TRAF3IP1: variants seen among roughly 807,000 people sequenced by gnomAD.
TRAF3IP1 encodes TRAF3-interacting protein 1.
A neutral mutation model predicts 89.9 loss-of-function variants in TRAF3IP1; 53 were observed. That is an observed-to-expected ratio of 0.59 (90% CI 0.47 to 0.74). The LOEUF is 0.74. TRAF3IP1 is among the 30% of genes least tolerant of loss of function. The pLI is 0.00. For missense variants in TRAF3IP1, 806 were observed against 866.1 expected, an observed-to-expected ratio of 0.93 and a Z score of 0.87; for synonymous variants, 311 against 322.1, an observed-to-expected ratio of 0.97 and a Z score of 0.37.
chr2:238,388,066 A>G (rs973410708), intron 15 of TRAF3IP1, among the ~76,000 whole-genome samples: 1 of 152,156 alleles, frequency 6.6e-6, no homozygotes, highest in Non-Finnish European at 1.5e-5. Context: ...CCTGGGTGAC[A>G]GAACAAGACT....
At position 238,338,364 on chromosome 2, in the gene TRAF3IP1, A is replaced by T. The variant is rs369712558; in HGVS notation, c.1066A>T (p.Arg356Trp). 6.5e-7 allele frequency: 1 copy of T among 1,537,978 alleles called. No homozygotes were observed. Among genetic ancestry groups the T allele is most frequent in the Non-Finnish European group, 8.8e-7 (1 of 1,130,116 alleles). Residue 356 changes from arginine to tryptophan, a missense_variant and splice_region_variant, in exon 8 of 17, where the codon AGG (arginine) becomes TGG (tryptophan). By Grantham distance (101) the Arg-to-Trp change is moderately radical (BLOSUM62 -3). This residue lies in a region of TRAF3IP1 where 732 missense variants were observed against 780.5 expected (regional missense o/e 0.94). Transcript: ENST00000373327. ...KRRSKNSVEG[R>W]KEDNISAKSL... ...TGTTGTTAACTATTTTATGTCAGGAAGGAAGGAGGATAATATTTCAGCTAA... is the reference window on the plus strand; with the variant it reads ...TGTTGTTAACTATTTTATGTCAGGATGGAAGGAGGATAATATTTCAGCTAA...
chr2:238,362,909 C>T (rs1185690598), intron 15 of TRAF3IP1, among the ~76,000 whole-genome samples: 3 of 152,194 alleles, frequency 2.0e-5, no homozygotes, highest in South Asian at 2.1e-4. Context: ...TTTGCCAAAG[C>T]GGAGATCAGA....
Position 238,328,920 on chromosome 2 carries a change from T to C in TRAF3IP1, c.499-6T>C. ...ATTCATAAATGATTTTATTTTTATT[T>C]CGTAGGATAGAGGAGACGCTGAAAT... On this transcript the variant is annotated splice_region_variant and splice_polypyrimidine_tract_variant and intron_variant, in intron 4 of 16. Coordinates refer to ENST00000373327, the MANE Select transcript of TRAF3IP1 (RefSeq NM_015650.4). 1 of 1,566,152 alleles carries C rather than the reference T, an allele frequency of 6.4e-7. No homozygotes were observed. Among genetic ancestry groups the C allele is most frequent in the Non-Finnish European group, 8.6e-7 (1 of 1,157,202 alleles).
At position 238,376,712 on chromosome 2, in the gene TRAF3IP1, ATATT is replaced by A. The variant is rs543406450; in HGVS notation, c.1689+20639_1689+20642del. On this transcript the variant is annotated intron_variant, in intron 15 of 16. Transcript: ENST00000373327. ...GTTTATCTGCTATTATAAATACTGT[ATATT>A]TATTTAAAATTGTTTTCTAGTTGTT... Among the ~76,000 whole-genome samples, 365 of 152,324 alleles carry A rather than the reference ATATT, an allele frequency of 2.4e-3. 2 individuals are homozygous for A. The highest frequency in any genetic ancestry group is 8.4e-3 in the African/African-American group (348 of 41,572).
chr2:238,332,961 T>C, intron 6 of TRAF3IP1, 66 bp downstream of exon 6: 1 of 1,251,078 alleles, frequency 8.0e-7, no homozygotes, highest in Non-Finnish European at 1.2e-6. Context: ...GTGAATGCTG[T>C]GCGCTCCCCG....
At chr2:238,346,075 A>C (rs916263596) in intron 9 of TRAF3IP1, among the ~76,000 whole-genome samples, 1 of 151,988 alleles carries the variant, frequency 6.6e-6, no homozygotes, top group African/African-American at 2.4e-5. Flanking sequence ...TGGTGTTTTG[A>C]AGAAAGAGCC....
Position 238,320,715 on chromosome 2 carries a change from G to A in TRAF3IP1, c.53G>A (p.Arg18Gln), listed in dbSNP as rs1308601851. The A allele has an allele frequency of 1.4e-6, 2 of 1,447,584 alleles. No homozygotes were observed. The highest frequency in any genetic ancestry group is 9.2e-7 in the Non-Finnish European group (1 of 1,088,984). The allele number at this position is 1,447,584 out of a possible 1,614,324, so 89.7% of individuals were successfully genotyped here. A position where few individuals can be genotyped will look rare whatever the true frequency, so the allele number is the denominator to read the frequency against. Reference protein sequence around the residue: ...RTQEALGKVIRRPPLTEKLLS... With the variant: ...RTQEALGKVIQRPPLTEKLLS... ...CAGGAGGCGCTGGGGAAAGTGATTC[G>A]GAGGCCGCCGCTGACCGAGAAGCTG... Residue 18 changes from arginine (R) to glutamine (Q), a missense_variant, in exon 1 of 17, where the codon CGG (arginine) becomes CAG (glutamine). Physicochemically the swap from Arg to Gln is conservative, Grantham distance 43 (BLOSUM62 1). Coordinates refer to ENST00000373327, the MANE Select transcript of TRAF3IP1 (RefSeq NM_015650.4).
intron 15 of TRAF3IP1, among the ~76,000 whole-genome samples, chr2:238,383,269 T>G (rs954326234): frequency 5.3e-5 from 8 of 152,172 alleles, no homozygotes; most frequent in Non-Finnish European, 1.0e-4. Context: ...TGAATCAAAC[T>G]TGCGGGTCTC....
At chr2:238,341,304 A>G (rs1698641574) in intron 8 of TRAF3IP1, among the ~76,000 whole-genome samples, 1 of 151,864 alleles carries the variant, frequency 6.6e-6, no homozygotes, top group South Asian at 2.1e-4. Flanking sequence ...TTACAGGCAT[A>G]AGCCAGCAGA....
chr2:238,332,978 C>A, intron 6 of TRAF3IP1, 83 bp downstream of exon 6: 1 of 1,015,518 alleles, frequency 9.8e-7, no homozygotes, highest in South Asian at 1.4e-5. Context: ...CCCGGGTCCA[C>A]TGAGGCATGG....
At chr2:238,388,803 G>C (rs1700882360) in intron 15 of TRAF3IP1, among the ~76,000 whole-genome samples, 1 of 151,672 alleles carries the variant, frequency 6.6e-6, no homozygotes, top group Non-Finnish European at 1.5e-5. Context: ...CACTATGCCT[G>C]GATAATTTTT....
At chr2:238,362,176 T>C (rs1186299536) in intron 15 of TRAF3IP1, among the ~76,000 whole-genome samples, 2 of 152,124 alleles carry the variant, frequency 1.3e-5, no homozygotes, top group Non-Finnish European at 2.9e-5. Context: ...CTCTCTGTCC[T>C]TTGCTAGTTC....
Position 238,338,467 on chromosome 2 carries a change from A to C in TRAF3IP1, c.1159+10A>C. The C allele has an allele frequency of 6.8e-7, 1 of 1,466,574 alleles. No homozygotes were observed. Among genetic ancestry groups the C allele is most frequent in the African/African-American group, 1.4e-5 (1 of 70,878 alleles). 90.8% of individuals were successfully genotyped at this position (1,466,574 alleles called of 1,614,324 possible). A position where few individuals can be genotyped will look rare whatever the true frequency, so the allele number is the denominator to read the frequency against. ...ACAACATCAGAAATAGGTAAGAAAAATATATTCTTTAGTTTAAATTCCTCA... is the reference window on the plus strand; with the variant it reads ...ACAACATCAGAAATAGGTAAGAAAACTATATTCTTTAGTTTAAATTCCTCA... On this transcript the variant is annotated intron_variant, in intron 8 of 16. Transcript: ENST00000373327.
intron 15 of TRAF3IP1, among the ~76,000 whole-genome samples, chr2:238,364,982 T>C (rs1259838452): frequency 2.6e-5 from 4 of 152,230 alleles, no homozygotes; most frequent in African/African-American, 7.2e-5. Context: ...GAGGCATTTA[T>C]TTGGGAATGT....
At chr2:238,361,485 C>T (rs966156106) in intron 15 of TRAF3IP1, among the ~76,000 whole-genome samples, 1 of 151,968 alleles carries the variant, frequency 6.6e-6, no homozygotes, top group South Asian at 2.1e-4. Context: ...AAGGTAGTCT[C>T]TAGTTTAGTC....
intron 1 of TRAF3IP1, 138 bp downstream of exon 1, chr2:238,320,923 A>T: frequency 1.5e-6 from 1 of 666,650 alleles, no homozygotes; most frequent in Non-Finnish European, 2.0e-6. Context: ...GCTGGGCCGG[A>T]GTCGGGGCCC....
In TRAF3IP1 at chr2:238,372,526, T is replaced by C. The variant is rs184647194; in HGVS notation, c.1689+16446T>C. 1.2e-3 allele frequency among the ~76,000 whole-genome samples: 182 copies of C among 152,366 alleles called. 1 individual carries two copies. The highest frequency in any genetic ancestry group is 4.2e-3 in the African/African-American group (175 of 41,580). On this transcript the variant is annotated intron_variant, in intron 15 of 16. Transcript: ENST00000373327. ...TGTGCCACATTTTCTTTACCCAGTCTATCATTGATGGACATTTGGGTTGGT... is the reference window on the plus strand; with the variant it reads ...TGTGCCACATTTTCTTTACCCAGTCCATCATTGATGGACATTTGGGTTGGT...
At chr2:238,370,874 G>A (rs183023804) in intron 15 of TRAF3IP1, among the ~76,000 whole-genome samples, 6 of 152,304 alleles carry the variant, frequency 3.9e-5, no homozygotes, top group South Asian at 2.1e-4. Flanking sequence ...GGTGAAAAAC[G>A]AAGCTATGTG....
intron 15 of TRAF3IP1, among the ~76,000 whole-genome samples, chr2:238,377,085 A>C (rs1383211644): frequency 6.6e-6 from 1 of 152,132 alleles, no homozygotes; most frequent in African/African-American, 2.4e-5. Context: ...GTGTCATCTG[A>C]AAGTCCTGAT....
Sources: gnomAD v4.1 joint callset for allele counts (sites outside exome capture counted in the v4.1 genomes callset) on GRCh38, gnomAD v4.1.1 for gene constraint, gnomAD v4.1.1 regional missense constraint, MANE v1.5 for transcripts, NCBI Gene and HGNC (gene_info 2026-07-23, HGNC 2026-07-21) for gene names.